Variants in CHRND observed in about 807,000 individuals in gnomAD.
CHRND encodes cholinergic receptor nicotinic delta subunit.
CHRND carries 40 observed loss-of-function variants against 57.8 expected under a neutral mutation model. The observed-to-expected ratio is 0.69, with a 90% confidence interval of 0.54 to 0.90. The LOEUF is 0.90. Among genes scored for constraint, CHRND ranks in the 40% least tolerant of loss-of-function variants. CHRND has a pLI of 0.00. For missense variants in CHRND, 634 were observed against 673.9 expected (o/e 0.94, Z 0.66); for synonymous variants, 237 against 270.6 (o/e 0.88, Z 1.22).
At chr2:232,535,107 ACT>A in intron 11 of CHRND, 21 bp from the exon 12 acceptor site, 1 of 1,612,862 alleles carries the variant, frequency 6.2e-7, no homozygotes, top group Non-Finnish European at 8.5e-7. Context: ...TTCTCACCCC[ACT>A]CTCTCTGCCC....
At chr2:232,529,149 G>A (rs1209358339) in intron 6 of CHRND, among the ~76,000 whole-genome samples, 178 bp downstream of exon 6, 1 of 152,176 alleles carries the variant, frequency 6.6e-6, no homozygotes, top group Non-Finnish European at 1.5e-5. Context: ...CCACAGAGGA[G>A]CACACAGACA....
rs1365382592 is a variant in CHRND at position 232,535,808 on chromosome 2, G to A, written c.*496G>A. On this transcript the variant is annotated 3_prime_UTR_variant, in exon 12 of 12. Coordinates refer to ENST00000258385, the MANE Select transcript of CHRND (RefSeq NM_000751.3). Reference sequence around the variant, plus strand: ...CACCTCCCTCCCTCCAGACCCCAGAGTATCCTTTCCTAGCTCTTTCTGCCT... The same window carrying A: ...CACCTCCCTCCCTCCAGACCCCAGAATATCCTTTCCTAGCTCTTTCTGCCT... 6 of 454,396 alleles carry A rather than the reference G, an allele frequency of 1.3e-5. No homozygotes were observed. The highest frequency in any genetic ancestry group is 2.6e-5 in the Non-Finnish European group (6 of 227,044). The allele number at this position is 454,396 out of a possible 1,614,324, so 28.1% of individuals were successfully genotyped here. A position where few individuals can be genotyped will look rare whatever the true frequency, so the allele number is the denominator to read the frequency against.
At chr2:232,531,485 C>T in intron 8 of CHRND, 22 bp downstream of exon 8, 1 of 1,613,010 alleles carries the variant, frequency 6.2e-7, no homozygotes, top group Non-Finnish European at 8.5e-7. Flanking sequence ...TCAAGCCCGG[C>T]CTCACCCTGC....
intron 3 of CHRND, among the ~76,000 whole-genome samples, 158 bp downstream of exon 3, chr2:232,527,603 G>T (rs909694962): frequency 6.6e-5 from 10 of 152,194 alleles, no homozygotes; most frequent in Non-Finnish European, 1.3e-4. Flanking sequence ...AATTAGCTTG[G>T]TGTGGTGGTG....
At chr2:232,534,872 T>C (rs988341994) in intron 11 of CHRND, among the ~76,000 whole-genome samples, 2 of 152,212 alleles carry the variant, frequency 1.3e-5, no homozygotes, top group African/African-American at 4.8e-5. Context: ...AGTTCCTCTC[T>C]AGCCCCAGAG....
chr2:232,535,260 C>T lies in CHRND; in HGVS notation c.1502C>T (p.Pro501Leu). ...QGVYNQPPPQ[P>L]FPGDPYSYNV... is the part of the protein sequence containing the mutation. The stretch of plus-strand genomic sequence containing the variant: ...GTTTACAACCAGCCACCACCCCAGC[C>T]TTTTCCTGGGGACCCCTACTCCTAC... The change falls in exon 12 of 12, where the codon CCT becomes CTT. Residue 501 changes from proline (P) to leucine (L), a missense_variant. By Grantham distance (98) the Pro-to-Leu change is moderately conservative. Coordinates refer to ENST00000258385, the MANE Select transcript of CHRND (RefSeq NM_000751.3). 2 of 1,614,194 alleles carry T rather than the reference C, an allele frequency of 1.2e-6. No individual in the cohort carries two copies. Among genetic ancestry groups the T allele is most frequent in the Non-Finnish European group, 1.7e-6 (2 of 1,180,042 alleles).
chr2:232,529,686 G>A (rs1026577312), intron 6 of CHRND, among the ~76,000 whole-genome samples: 2 of 152,156 alleles, frequency 1.3e-5, no homozygotes, highest in Non-Finnish European at 2.9e-5. Flanking sequence ...CCTTATTTGA[G>A]TCCTGTATGG....
intron 9 of CHRND, among the ~76,000 whole-genome samples, chr2:232,531,970 A>AAAAAAAAG (rs1391577789): frequency 1.6e-4 from 22 of 135,328 alleles, no homozygotes; most frequent in African/African-American, 5.5e-4. Context: ...AAAAAAAAAA[A>AAAAAAAAG]AAAAGAAATG....
intron 11 of CHRND, 44 bp downstream of exon 11, chr2:232,534,386 C>A: frequency 6.4e-7 from 1 of 1,565,562 alleles, no homozygotes; most frequent in Non-Finnish European, 8.8e-7. Flanking sequence ...TCAAGTAGGG[C>A]ACTGATTAAG....
chr2:232,528,369 C>A lies in CHRND; in HGVS notation c.351C>A (p.Asn117Lys), dbSNP rs1436920650. 5 of 1,614,096 alleles carry A rather than the reference C, an allele frequency of 3.1e-6. No individual in the cohort carries two copies. The highest frequency in any genetic ancestry group is 4.2e-6 in the Non-Finnish European group (5 of 1,179,992). ...MVWLPEIVLE[N>K]NNDGSFQISY... ...GGCTCCCAGAGATTGTGCTGGAGAA[C>A]AAGTTGAGCCAAGCCCTCCCTGACC... is the stretch of plus-strand genomic sequence containing the variant. The change falls in exon 4 of 12, where the codon AAC becomes AAA. Residue 117 changes from asparagine to lysine, a missense_variant and splice_region_variant. Transcript: ENST00000258385.
intron 3 of CHRND, 73 bp from the exon 4 acceptor site, chr2:232,528,189 C>G (rs1399642358): frequency 7.1e-7 from 1 of 1,398,626 alleles, no homozygotes; most frequent in Non-Finnish European, 1.0e-6. Flanking sequence ...TCAGTCTTCT[C>G]TCAGGGAAGT....
At position 232,527,403 on chromosome 2, in the gene CHRND, A is replaced by G. The variant is rs1238916911; in HGVS notation, c.201A>G (p.Lys67=). 2 of 1,612,858 alleles carry G rather than the reference A, an allele frequency of 1.2e-6. No individual in the cohort carries two copies. The highest frequency in any genetic ancestry group is 2.2e-5 in the East Asian group (1 of 44,856). ...ALTLSNLISL[K]EVEETLTTNV... is the part of the protein sequence containing the mutation. ...ATGGCCCTACCGTCTAATTACAGAA[A>G]GAAGTTGAGGAGACCCTCACTACCA... Residue 67 remains lysine, a splice_region_variant and synonymous_variant, in exon 3 of 12, where the codon AAA becomes AAG. Transcript: ENST00000258385.
Position 232,534,230 on chromosome 2 carries a change from C to G in CHRND, c.1259C>G (p.Pro420Arg). Residue 420 changes from proline (P) to arginine (R), a missense_variant, in exon 11 of 12, where the codon CCC (proline) becomes CGC (arginine). Transcript: ENST00000258385. ...LARRLTTARR[P>R]PASSEQAQQE... ...TCTGGCCCCTCGTCTGTAGGCCGGC[C>G]CCCAGCAAGCTCTGAGCAGGCCCAG... The G allele has an allele frequency of 6.2e-7, 1 of 1,614,174 alleles. No individual in the cohort carries two copies. Among genetic ancestry groups the G allele is most frequent in the East Asian group, 2.2e-5 (1 of 44,874 alleles).
intron 1 of CHRND, 63 bp from the exon 2 acceptor site, chr2:232,526,466 C>T: frequency 1.9e-6 from 3 of 1,609,516 alleles, no homozygotes; most frequent in Non-Finnish European, 2.5e-6. Context: ...GACCTCAGGG[C>T]AGCTTCCTTC....
chr2:232,530,939 T>A (rs1691668238), intron 7 of CHRND, among the ~76,000 whole-genome samples: 1 of 152,132 alleles, frequency 6.6e-6, no homozygotes, highest in South Asian at 2.1e-4. Context: ...TTATCCTGGT[T>A]CTACAAGGAC....
Position 232,535,465 on chromosome 2 carries a change from C to A in CHRND, c.*153C>A. 2 of 949,230 alleles carry A rather than the reference C, an allele frequency of 2.1e-6. No homozygotes were observed. Among genetic ancestry groups the A allele is most frequent in the Non-Finnish European group, 3.3e-6 (2 of 611,808 alleles). 58.8% of individuals were successfully genotyped at this position (949,230 alleles called of 1,614,324 possible). On this transcript the variant is annotated 3_prime_UTR_variant, in exon 12 of 12. Coordinates refer to ENST00000258385, the MANE Select transcript of CHRND (RefSeq NM_000751.3). Reference sequence around the variant, plus strand: ...GCAGCCACTCCTCAATGCTCAATGGCTCCCCTGAAATCAAGACAGGGGCCA... The same window carrying A: ...GCAGCCACTCCTCAATGCTCAATGGATCCCCTGAAATCAAGACAGGGGCCA...
At chr2:232,534,653 C>T (rs1301068017) in intron 11 of CHRND, among the ~76,000 whole-genome samples, 2 of 152,194 alleles carry the variant, frequency 1.3e-5, no homozygotes, top group African/African-American at 4.8e-5. Flanking sequence ...CAGTTCCAAG[C>T]CTGATACTCC....
In CHRND at chr2:232,535,942, G is replaced by A. The variant is rs1290414726; in HGVS notation, c.*630G>A. 2.2e-6 allele frequency: 1 copy of A among 454,000 alleles called. No individual in the cohort carries two copies. Among genetic ancestry groups the A allele is most frequent in the Non-Finnish European group, 4.4e-6 (1 of 226,808 alleles). 28.1% of individuals were successfully genotyped at this position (454,000 alleles called of 1,614,324 possible). A position where few individuals can be genotyped will look rare whatever the true frequency, so the allele number is the denominator to read the frequency against. ...GCCTGAGGTTGCACACACAATCCTAGAGGACCAGAACGCAGCACCTCTCCC... is the reference window on the plus strand; with the variant it reads ...GCCTGAGGTTGCACACACAATCCTAAAGGACCAGAACGCAGCACCTCTCCC... On this transcript the variant is annotated 3_prime_UTR_variant, in exon 12 of 12. Transcript: ENST00000258385.
In CHRND at chr2:232,534,207, T is replaced by C; in HGVS notation, c.1253-17T>C. ...GTGGAGGCAGGCCTCACACCCACTC[T>C]GGCCCCTCGTCTGTAGGCCGGCCCC... On this transcript the variant is annotated splice_polypyrimidine_tract_variant and intron_variant, in intron 10 of 11. Coordinates refer to ENST00000258385, the MANE Select transcript of CHRND (RefSeq NM_000751.3). The C allele has an allele frequency of 1.9e-6, 3 of 1,614,160 alleles. No individual in the cohort carries two copies. Among genetic ancestry groups the C allele is most frequent in the South Asian group, 2.2e-5 (2 of 91,082 alleles).
Sources: gnomAD v4.1 joint callset for allele counts (sites outside exome capture counted in the v4.1 genomes callset) on GRCh38, gnomAD v4.1.1 for gene constraint, MANE v1.5 for transcripts, NCBI Gene and HGNC (gene_info 2026-07-23, HGNC 2026-07-21) for gene names.